Variants in FGD6 observed in about 807,000 individuals in gnomAD.
FGD6 encodes the protein FYVE, RhoGEF and PH domain containing 6.
FGD6 carries 90 observed loss-of-function variants against 149.4 expected under a neutral mutation model. The ratio of observed to expected loss-of-function variants is 0.60; its 90% CI spans 0.51 to 0.72. FGD6 has a LOEUF of 0.72. Ranked by LOEUF, FGD6 falls within the 30% of genes least tolerant of loss-of-function variation. The probability of loss-of-function intolerance (pLI) is 0.00; values close to 1 mark genes in which losing one functional copy is unlikely to be tolerated. For synonymous variants in FGD6, 527 were observed against 584.0 expected, an observed-to-expected ratio of 0.90 and a Z score of 1.41; for missense variants, 1,437 against 1,684.8, an observed-to-expected ratio of 0.85 and a Z score of 2.57.
At chr12:95,116,856 G>A in intron 8 of FGD6, 1 of 455,970 alleles carries the variant, frequency 2.2e-6, no homozygotes, top group South Asian at 1.5e-5. Flanking sequence ...AGAGAGCAGG[G>A]CCTGGATCTC....
At chr12:95,169,773 C>T (rs543331909) in intron 3 of FGD6, among the ~76,000 whole-genome samples, 38 of 152,164 alleles carry the variant, frequency 2.5e-4, no homozygotes, top group Admixed American at 2.3e-3. Flanking sequence ...AAAGAAAAAA[C>T]TTGGGAGTTG....
chr12:95,206,918 A>G (rs2056695650), intron 2 of FGD6, among the ~76,000 whole-genome samples: 1 of 152,128 alleles, frequency 6.6e-6, no homozygotes, highest in African/African-American at 2.4e-5. Flanking sequence ...TGACAGTTAA[A>G]GGAACTTAAA....
intron 6 of FGD6, among the ~76,000 whole-genome samples, chr12:95,139,365 A>G (rs139783538): frequency 2.2e-4 from 34 of 151,822 alleles, no homozygotes; most frequent in African/African-American, 8.2e-4. Flanking sequence ...ACTTAAGCCT[A>G]GGGAAGTCAA....
chr12:95,150,213 A>C (rs1051690433), intron 5 of FGD6, among the ~76,000 whole-genome samples: 31 of 152,042 alleles, frequency 2.0e-4, no homozygotes, highest in African/African-American at 7.2e-4. Context: ...TTTTTAGTAG[A>C]GACGGGGTTT....
intron 16 of FGD6, 53 bp from the exon 17 acceptor site, chr12:95,091,862 C>T (rs1045311349): frequency 3.7e-6 from 5 of 1,364,774 alleles, no homozygotes; most frequent in Middle Eastern, 2.1e-4. Flanking sequence ...ACTTGTGTTT[C>T]TACACCATAA....
At chr12:95,200,952 G>T (rs955602246) in intron 2 of FGD6, among the ~76,000 whole-genome samples, 3 of 150,780 alleles carry the variant, frequency 2.0e-5, no homozygotes, top group African/African-American at 7.3e-5. Flanking sequence ...AACACGAACT[G>T]TTCTTTGTAC....
chr12:95,081,234 T>A lies in FGD6; in HGVS notation c.*286A>T, dbSNP rs1409610531. On this transcript the variant is annotated 3_prime_UTR_variant, in exon 21 of 21. Coordinates refer to ENST00000343958, the MANE Select transcript of FGD6 (RefSeq NM_018351.4). ...GAATAGTTAATACAGTATACAGTATTAAGATAGTTTTTCTGGTCTCTAAAG... is the reference window on the plus strand; with the variant it reads ...GAATAGTTAATACAGTATACAGTATAAAGATAGTTTTTCTGGTCTCTAAAG... 1 of 260,838 alleles carries A rather than the reference T, an allele frequency of 3.8e-6. No individual in the cohort carries two copies. The highest frequency in any genetic ancestry group is 2.2e-5 in the African/African-American group (1 of 45,558). The allele number at this position is 260,838 out of a possible 1,614,324, so 16.2% of individuals were successfully genotyped here. A position where few individuals can be genotyped will look rare whatever the true frequency, so the allele number is the denominator to read the frequency against.
chr12:95,210,714 T>C lies in FGD6; in HGVS notation c.570A>G (p.Gln190=), dbSNP rs758375017. Residue 190 remains glutamine, a synonymous_variant, in exon 2 of 21, where the codon CAA becomes CAG. Coordinates refer to ENST00000343958, the MANE Select transcript of FGD6 (RefSeq NM_018351.4). The stretch of plus-strand genomic sequence containing the variant: ...TCTGTGCAGAAATAAAAGGTGGCAT[T>C]TGGTGTATTAAGGCATCTTTGAGCT... ...EEELKDALIH[Q]MPPFISAQKH... 5.6e-6 allele frequency: 9 copies of C among 1,614,004 alleles called. No individual in the cohort carries two copies. Among genetic ancestry groups the C allele is most frequent in the Non-Finnish European group, 5.1e-6 (6 of 1,179,992 alleles).
chr12:95,174,874 C>A (rs1245173127), intron 2 of FGD6, among the ~76,000 whole-genome samples: 1 of 134,264 alleles, frequency 7.4e-6, no homozygotes, highest in Non-Finnish European at 1.5e-5. Flanking sequence ...TTGCAGTGAG[C>A]CGAGGCTGCA....
intron 7 of FGD6, 133 bp downstream of exon 7, chr12:95,137,389 C>G (rs1181008586): frequency 5.5e-6 from 4 of 724,818 alleles, no homozygotes; most frequent in East Asian, 2.9e-5. Context: ...TCAATTCCAT[C>G]TTTGATTTTG....
In FGD6 at chr12:95,209,064, A is replaced by G. The variant is rs374423832; in HGVS notation, c.2220T>C (p.Val740=). The change falls in exon 2 of 21, where the codon GTT becomes GTC. Residue 740 remains valine, a synonymous_variant. Transcript: ENST00000343958. ...ESSSQAPYKS[V]TSLCAPEYEN... is the part of the protein sequence containing the mutation. ...CATACTCCGGTGCACAGAGGCTTGT[A>G]ACAGACTTGTAAGGTGCCTGAGATG... 8.7e-6 allele frequency: 14 copies of G among 1,614,040 alleles called. No individual in the cohort carries two copies. Among genetic ancestry groups the G allele is most frequent in the Admixed American group, 5.0e-5 (3 of 59,992 alleles).
chr12:95,198,286 G>A (rs1881779954), intron 2 of FGD6, among the ~76,000 whole-genome samples: 1 of 152,164 alleles, frequency 6.6e-6, no homozygotes, highest in Non-Finnish European at 1.5e-5. Flanking sequence ...CCTTGAGCAA[G>A]TTATTCAACC....
rs1317012898 is a variant in FGD6, at chr12:95,092,817, C to T, written c.3629G>A (p.Ser1210Asn). 2 of 1,613,456 alleles carry T rather than the reference C, an allele frequency of 1.2e-6. No homozygotes were observed. The highest frequency in any genetic ancestry group is 1.7e-6 in the Non-Finnish European group (2 of 1,179,756). ...EADSENKEEV[S>N]PLGSKAPIWI... ...GATGGGAGCCTTCGATCCAAGAGGA[C>T]TAACTTCTTCTTTATTTTCTGAGTC... is the stretch of plus-strand genomic sequence containing the variant. The change falls in exon 16 of 21, where the codon AGT becomes AAT. Residue 1210 changes from serine to asparagine, a missense_variant. Coordinates refer to ENST00000343958, the MANE Select transcript of FGD6 (RefSeq NM_018351.4).
At chr12:95,120,649 T>C (rs139720795) in intron 8 of FGD6, among the ~76,000 whole-genome samples, 1 of 152,170 alleles carries the variant, frequency 6.6e-6, no homozygotes, top group Non-Finnish European at 1.5e-5. Flanking sequence ...ATCGCACCAC[T>C]GCACTCTAGC....
chr12:95,203,679 C>G (rs1368428257), intron 2 of FGD6, among the ~76,000 whole-genome samples: 1 of 151,562 alleles, frequency 6.6e-6, no homozygotes. Flanking sequence ...TGGTCAGTAT[C>G]TGTGAAATAA....
In FGD6 at chr12:95,077,221, A is replaced by T. The variant is rs909086626; in HGVS notation, c.*4299T>A. The T allele has an allele frequency of 6.6e-6, 1 of 152,278 alleles. No individual in the cohort carries two copies. The highest frequency in any genetic ancestry group is 1.5e-5 in the Non-Finnish European group (1 of 68,074). 9.4% of individuals were successfully genotyped at this position (152,278 alleles called of 1,614,324 possible). A position where few individuals can be genotyped will look rare whatever the true frequency, so the allele number is the denominator to read the frequency against. ...TAGGAAGGAATTTAATTCAGCAAAT[A>T]CTGAGTGTCCACTGCATGCAAGGTA... On this transcript the variant is annotated 3_prime_UTR_variant, in exon 21 of 21. Coordinates refer to ENST00000343958, the MANE Select transcript of FGD6 (RefSeq NM_018351.4).
In FGD6 at chr12:95,121,596, A is replaced by G. The variant is rs750864021; in HGVS notation, c.3083-7895T>C. 2.1e-4 allele frequency among the ~76,000 whole-genome samples: 32 copies of G among 150,428 alleles called. No homozygotes were observed. In the Middle Eastern group the frequency reaches 0.01, roughly 48 times the overall value. Reference sequence around the variant, plus strand: ...TAAATAGCCAGTTTTATAATTCTTCATATTTAGCTCTGATTTTATTTGTAG... The same window carrying G: ...TAAATAGCCAGTTTTATAATTCTTCGTATTTAGCTCTGATTTTATTTGTAG... On this transcript the variant is annotated intron_variant, in intron 8 of 20. Transcript: ENST00000343958.
At chr12:95,199,803 C>T (rs1200226621) in intron 2 of FGD6, among the ~76,000 whole-genome samples, 1 of 152,002 alleles carries the variant, frequency 6.6e-6, no homozygotes, top group Non-Finnish European at 1.5e-5. Context: ...CGGGGTTTCA[C>T]CACATTGGCC....
intron 11 of FGD6, 149 bp downstream of exon 11, chr12:95,108,199 C>T (rs1592834852): frequency 2.8e-6 from 2 of 709,100 alleles, no homozygotes; most frequent in East Asian, 5.5e-5. Flanking sequence ...CAGTGACTTA[C>T]ATCATGAATG....
Sources: allele counts gnomAD v4.1 joint callset (sites outside exome capture counted in the v4.1 genomes callset), GRCh38; gene constraint gnomAD v4.1.1; transcripts MANE v1.5; gene names NCBI Gene and HGNC (gene_info 2026-07-23, HGNC 2026-07-21).